CSMD1: variants seen among roughly 807,000 people sequenced by gnomAD.
The protein encoded by CSMD1 is CUB and sushi domain-containing protein 1.
In CSMD1, 213 loss-of-function variants were observed where a neutral mutation model predicts 417.5. The ratio of observed to expected loss-of-function variants is 0.51; its 90% confidence interval spans 0.46 to 0.57. The LOEUF is 0.57. CSMD1 is among the 20% of genes least tolerant of loss of function. The pLI is 0.00. For missense variants in CSMD1, 6,923 were observed against 4,529.7 expected (o/e 1.53, Z -15.17); for synonymous variants, 2,862 against 1,736.8 (o/e 1.65, Z -16.11).
At chr8:4,610,826 G>A (rs1345351699) in intron 2 of CSMD1, among the ~76,000 whole-genome samples, 4 of 152,182 alleles carry the variant, frequency 2.6e-5, no homozygotes, top group Admixed American at 2.6e-4. Context: ...ATGCCTGTGA[G>A]TATAAACAAC....
intron 1 of CSMD1, among the ~76,000 whole-genome samples, chr8:4,687,674 G>T (rs923515275): frequency 6.6e-6 from 1 of 152,160 alleles, no homozygotes; most frequent in Admixed American, 6.5e-5. Flanking sequence ...ATGAGCTGCC[G>T]CTGTTTTTGA....
At chr8:3,250,842 T>C (rs1277491450) in intron 26 of CSMD1, among the ~76,000 whole-genome samples, 6 of 152,358 alleles carry the variant, frequency 3.9e-5, no homozygotes, top group Admixed American at 3.3e-4. Context: ...CATGTGTCTG[T>C]TGGCTGCATA....
At chr8:4,801,469 T>C (rs202020391) in intron 1 of CSMD1, among the ~76,000 whole-genome samples, 1 of 151,910 alleles carries the variant, frequency 6.6e-6, no homozygotes, top group African/African-American at 2.4e-5. Flanking sequence ...GGCTTTTTTT[T>C]TTCTTTTCTT....
intron 3 of CSMD1, among the ~76,000 whole-genome samples, chr8:4,055,258 T>G (rs1244131949): frequency 1.3e-5 from 2 of 152,170 alleles, no homozygotes; most frequent in Admixed American, 6.5e-5. Context: ...TCAAATGAAT[T>G]CAGGTTAAAC....
At chr8:3,803,511 G>A (rs1800570305) in intron 5 of CSMD1, among the ~76,000 whole-genome samples, 1 of 152,174 alleles carries the variant, frequency 6.6e-6, no homozygotes, top group African/African-American at 2.4e-5. Flanking sequence ...CCCATGCACA[G>A]AAAACCCAGG....
intron 1 of CSMD1, among the ~76,000 whole-genome samples, chr8:4,688,227 C>T (rs1806514390): frequency 6.6e-6 from 1 of 152,234 alleles, no homozygotes; most frequent in Non-Finnish European, 1.5e-5. Flanking sequence ...ATCCTTATAT[C>T]TTACGTCTTA....
chr8:4,757,626 C>T (rs1310474740), intron 1 of CSMD1, among the ~76,000 whole-genome samples: 1 of 152,102 alleles, frequency 6.6e-6, no homozygotes, highest in East Asian at 1.9e-4. Context: ...TATGTGCTCT[C>T]TTCAGCTTTT....
chr8:4,303,853 C>G (rs564918604), intron 3 of CSMD1, among the ~76,000 whole-genome samples: 76 of 152,104 alleles, frequency 5.0e-4, no homozygotes, highest in African/African-American at 1.8e-3. Flanking sequence ...GACAGGGTTT[C>G]ACTATGTTGC....
intron 1 of CSMD1, among the ~76,000 whole-genome samples, chr8:4,917,026 G>C (rs765535766): frequency 2.0e-5 from 3 of 152,142 alleles, no homozygotes; most frequent in Non-Finnish European, 4.4e-5. Flanking sequence ...ACCTGAGACT[G>C]GGTAATTTTT....
At chr8:3,503,485 C>G (rs1205076881) in intron 10 of CSMD1, among the ~76,000 whole-genome samples, 2 of 152,246 alleles carry the variant, frequency 1.3e-5, no homozygotes, top group African/African-American at 4.8e-5. Flanking sequence ...ACGGCGGCAT[C>G]AGCTGGCAGG....
intron 5 of CSMD1, among the ~76,000 whole-genome samples, chr8:3,774,995 C>T (rs1310673436): frequency 1.3e-5 from 2 of 152,004 alleles, no homozygotes; most frequent in African/African-American, 2.4e-5. Context: ...GGGCGATTCC[C>T]ACTCCCGGCA....
At chr8:4,422,226 C>G (rs1797287847) in intron 2 of CSMD1, among the ~76,000 whole-genome samples, 1 of 152,050 alleles carries the variant, frequency 6.6e-6, no homozygotes, top group Non-Finnish European at 1.5e-5. Context: ...AGAATTAACA[C>G]TAATTCTACA....
intron 41 of CSMD1, among the ~76,000 whole-genome samples, chr8:3,135,219 T>A (rs1295522285): frequency 6.6e-6 from 1 of 152,190 alleles, no homozygotes; most frequent in East Asian, 1.9e-4. Flanking sequence ...CAGGGGCAAT[T>A]AGCTCTTCCA....
At chr8:4,873,291 C>G (rs961584625) in intron 1 of CSMD1, among the ~76,000 whole-genome samples, 3 of 151,948 alleles carry the variant, frequency 2.0e-5, no homozygotes, top group African/African-American at 7.3e-5. Context: ...CTAAAAAATG[C>G]CTTTTAAAAT....
intron 1 of CSMD1, among the ~76,000 whole-genome samples, chr8:4,812,945 A>C (rs1338685416): frequency 1.3e-5 from 2 of 152,220 alleles, no homozygotes; most frequent in African/African-American, 2.4e-5. Flanking sequence ...ATTTCTTGAC[A>C]AAAATGTAAG....
intron 25 of CSMD1, among the ~76,000 whole-genome samples, chr8:3,289,449 A>C (rs1226990799): frequency 6.8e-6 from 1 of 147,460 alleles, no homozygotes; most frequent in East Asian, 2.0e-4. Context: ...CCAACAGTGT[A>C]AAAGTGTTCC....
intron 2 of CSMD1, among the ~76,000 whole-genome samples, chr8:4,483,223 C>T (rs1266032902): frequency 6.6e-6 from 1 of 152,182 alleles, no homozygotes; most frequent in African/African-American, 2.4e-5. Context: ...TGAGAAGTGC[C>T]TTTCACCTTC....
intron 54 of CSMD1, among the ~76,000 whole-genome samples, chr8:2,990,672 G>C (rs548603521): frequency 1.3e-5 from 2 of 152,300 alleles, no homozygotes; most frequent in African/African-American, 2.4e-5. Context: ...AGACACAATA[G>C]AAGCCTGCTT....
intron 12 of CSMD1, among the ~76,000 whole-genome samples, chr8:3,462,279 T>C (rs993090824): frequency 6.6e-6 from 1 of 152,140 alleles, no homozygotes; most frequent in African/African-American, 2.4e-5. Flanking sequence ...GACTATACAG[T>C]GCCATCCTAG....
Sources: gnomAD v4.1 joint callset for allele counts (sites outside exome capture counted in the v4.1 genomes callset) on GRCh38, gnomAD v4.1.1 for gene constraint, MANE v1.5 for transcripts, NCBI Gene and HGNC (gene_info 2026-07-23, HGNC 2026-07-21) for gene names.